Variants in PACS2 observed in about 807,000 individuals in gnomAD.
PACS2 encodes PACS1-like protein.
Under a neutral mutation model 113.0 loss-of-function variants are expected in PACS2, and 36 were observed. That is an observed-to-expected ratio of 0.32 (90% CI 0.24 to 0.42). PACS2 has a LOEUF of 0.42. PACS2 is among the 10% of genes least tolerant of loss of function. The probability of loss-of-function intolerance (pLI) is 1.00; values close to 1 mark genes in which losing one functional copy is unlikely to be tolerated. For synonymous variants in PACS2, 589 were observed against 536.1 expected (o/e 1.10, Z -1.36); for missense variants, 1,015 against 1,239.5 (o/e 0.82, Z 2.72).
chr14:105,308,343 G>A (rs1490211593), intron 1 of PACS2, among the ~76,000 whole-genome samples: 2 of 151,990 alleles, frequency 1.3e-5, no homozygotes, highest in Non-Finnish European at 2.9e-5. Flanking sequence ...TTAGCCAGGT[G>A]TGGTGGTACA....
intron 8 of PACS2, among the ~76,000 whole-genome samples, chr14:105,373,826 T>C (rs951638583): frequency 1.3e-5 from 2 of 151,280 alleles, no homozygotes; most frequent in Admixed American, 6.6e-5. Context: ...CCTCACACCA[T>C]ATTCAAGAAT....
intron 1 of PACS2, among the ~76,000 whole-genome samples, chr14:105,319,834 T>C (rs2058821130): frequency 6.6e-6 from 1 of 152,232 alleles, no homozygotes; most frequent in Admixed American, 6.5e-5. Flanking sequence ...ACTTAAAAAG[T>C]CTCATCCTAT....
rs587620716 is a variant in PACS2 at position 105,335,355 on chromosome 14, T to C, written c.120-13138T>C. Among the ~76,000 whole-genome samples, 17 of 151,890 alleles carry C rather than the reference T, an allele frequency of 1.1e-4. No homozygotes were observed. In the East Asian group the frequency reaches 3.4e-3, roughly 30 times the overall value. On this transcript the variant is annotated intron_variant, in intron 1 of 24. Transcript: ENST00000447393. ...CGCTGTGGCCGGCGCCTGGCGTGGC[T>C]GTGACGCTGTGGCCGGCGCCTGGCG...
chr14:105,352,497 C>T, intron 3 of PACS2, 30 bp downstream of exon 3: 1 of 1,370,292 alleles, frequency 7.3e-7, no homozygotes, highest in Non-Finnish European at 1.0e-6. Context: ...TGACGACACC[C>T]TCATCACTGT....
intron 24 of PACS2, among the ~76,000 whole-genome samples, chr14:105,393,704 C>G (rs1432166449): frequency 1.3e-5 from 2 of 151,888 alleles, no homozygotes; most frequent in Non-Finnish European, 2.9e-5. Context: ...ATTCTCCTGC[C>G]TGAGCCTCCC....
chr14:105,346,310 T>G (rs1296148980), intron 1 of PACS2, among the ~76,000 whole-genome samples: 1 of 152,134 alleles, frequency 6.6e-6, no homozygotes, highest in East Asian at 1.9e-4. Context: ...TGACCTACAC[T>G]GACCCGATCT....
intron 1 of PACS2, among the ~76,000 whole-genome samples, chr14:105,347,561 C>G (rs1480931300): frequency 1.3e-5 from 2 of 152,296 alleles, no homozygotes; most frequent in Admixed American, 1.3e-4. Context: ...GAAAGTGTCC[C>G]CAGCACAGAC....
chr14:105,305,195 G>A (rs1041719232), intron 1 of PACS2, among the ~76,000 whole-genome samples: 1 of 152,038 alleles, frequency 6.6e-6, no homozygotes, highest in Non-Finnish European at 1.5e-5. Flanking sequence ...GAGTCCAGGA[G>A]TTTGAGACCA....
Position 105,358,073 on chromosome 14 carries a change from C to T in PACS2, c.423+2896C>T, listed in dbSNP as rs1294969126. 1.3e-5 allele frequency among the ~76,000 whole-genome samples: 2 copies of T among 152,168 alleles called. No homozygotes were observed. Among genetic ancestry groups the T allele is most frequent in the African/African-American group, 4.8e-5 (2 of 41,438 alleles). Reference sequence around the variant, plus strand: ...TTCAAATGGGTGCACACGCAGGGGGCAGGAGGGGCTGGGAGCAGCCTGGGC... The same window carrying T: ...TTCAAATGGGTGCACACGCAGGGGGTAGGAGGGGCTGGGAGCAGCCTGGGC... On this transcript the variant is annotated intron_variant, in intron 4 of 24. Coordinates refer to ENST00000447393, the MANE Select transcript of PACS2 (RefSeq NM_001100913.3). This position sits in a 1 kb window ranked among gnomAD's most constrained non-coding sequence, Gnocchi z 4.9.
chr14:105,370,098 C>T, intron 8 of PACS2, 198 bp downstream of exon 8: 2 of 559,988 alleles, frequency 3.6e-6, no homozygotes, highest in Non-Finnish European at 6.3e-6. Context: ...CGCTGGGTCT[C>T]TGCTGAAGTA....
Position 105,323,728 on chromosome 14 carries a change from G to T in PACS2, c.119+8691G>T, listed in dbSNP as rs917116402. Among the ~76,000 whole-genome samples, 1 of 152,182 alleles carries T rather than the reference G, an allele frequency of 6.6e-6. No homozygotes were observed. The highest frequency in any genetic ancestry group is 2.4e-5 in the African/African-American group (1 of 41,450). Reference sequence around the variant, plus strand: ...GTGCAGGGCTTGGGACAGGGCTTTCGGAGGTGGTCTGCAGTGATCCAGGGA... The same window carrying T: ...GTGCAGGGCTTGGGACAGGGCTTTCTGAGGTGGTCTGCAGTGATCCAGGGA... On this transcript the variant is annotated intron_variant, in intron 1 of 24. Transcript: ENST00000447393. The surrounding 1 kb of genome is among the most constrained non-coding windows in gnomAD (Gnocchi z 4.1).
intron 8 of PACS2, among the ~76,000 whole-genome samples, chr14:105,375,888 A>C (rs1555410321): frequency 6.6e-6 from 1 of 152,180 alleles, no homozygotes; most frequent in African/African-American, 2.4e-5. Flanking sequence ...GGGTCCACCC[A>C]CTCAGTGGCG....
chr14:105,392,193 T>TG (rs1193969616), intron 22 of PACS2: 1 of 313,894 alleles, frequency 3.2e-6, no homozygotes, highest in South Asian at 3.8e-5. Context: ...AACTAAGCCA[T>TG]GGGGGGTTGT....
rs587678178 is a variant in PACS2, at chr14:105,380,100, G to A, written c.1071G>A (p.Thr357=). 20 of 1,553,168 alleles carry A rather than the reference G, an allele frequency of 1.3e-5. No homozygotes were observed. Among genetic ancestry groups the A allele is most frequent in the Middle Eastern group, 1.7e-4 (1 of 5,992 alleles). The part of the protein sequence containing the change: ...PPSPADVPEK[T]RSLGGRQPSD... ...CACAGGCTGACGTGCCCGAGAAGAC[G>A]CGGTCCCTGGGAGGCAGGCAGCCGA... The change falls in exon 11 of 25, where the codon ACG becomes ACA. Residue 357 remains threonine (T), a synonymous_variant. Coordinates refer to ENST00000447393, the MANE Select transcript of PACS2 (RefSeq NM_001100913.3).
chr14:105,319,451 C>G (rs745805380), intron 1 of PACS2, among the ~76,000 whole-genome samples: 3 of 152,152 alleles, frequency 2.0e-5, no homozygotes, highest in Non-Finnish European at 4.4e-5. Flanking sequence ...TACATTTATT[C>G]CTAGATGCTT....
intron 8 of PACS2, chr14:105,371,155 G>C (rs1555409323): frequency 6.6e-6 from 1 of 152,268 alleles, no homozygotes; most frequent in African/African-American, 2.4e-5. Flanking sequence ...GCAGAGGAAG[G>C]GCAGCTCCGC....
chr14:105,391,156 G>A lies in PACS2; in HGVS notation c.2077-51G>A, dbSNP rs782004914. 4.7e-6 allele frequency: 7 copies of A among 1,490,656 alleles called. No homozygotes were observed. In the East Asian group the frequency reaches 1.1e-4, roughly 24 times the overall value. The allele number at this position is 1,490,656 out of a possible 1,614,324, so 92.3% of individuals were successfully genotyped here. ...GCGGGAGCCCCACTGGGAGGGCGCTGGGCTAGCTGAATTGCACGGCTTTCA... is the reference window on the plus strand; with the variant it reads ...GCGGGAGCCCCACTGGGAGGGCGCTAGGCTAGCTGAATTGCACGGCTTTCA... On this transcript the variant is annotated intron_variant, in intron 20 of 24. Transcript: ENST00000447393.
At chr14:105,364,846 C>T (rs1318503384) in intron 4 of PACS2, among the ~76,000 whole-genome samples, 2 of 151,870 alleles carry the variant, frequency 1.3e-5, no homozygotes, top group Admixed American at 6.6e-5. Context: ...CAGGTGCGCA[C>T]CACCATGCCC....
intron 2 of PACS2, among the ~76,000 whole-genome samples, chr14:105,349,292 G>A (rs587620570): frequency 1.1e-4 from 17 of 152,356 alleles, no homozygotes; most frequent in Admixed American, 5.9e-4. Flanking sequence ...CTCCCTAGCC[G>A]GCACCACTCA....
Sources: allele counts gnomAD v4.1 joint callset (sites outside exome capture counted in the v4.1 genomes callset), GRCh38; gene constraint gnomAD v4.1.1; non-coding constraint Gnocchi (gnomAD v3.1); transcripts MANE v1.5; gene names NCBI Gene and HGNC (gene_info 2026-07-23, HGNC 2026-07-21).